Variants in ARPP21 observed in about 807,000 individuals in gnomAD.
ARPP21 encodes cAMP regulated phosphoprotein 21, also known as cAMP-regulated phosphoprotein 21.
Under a neutral mutation model 113.2 loss-of-function variants are expected in ARPP21, and 69 were observed. The observed-to-expected ratio is 0.61, with a 90% CI of 0.50 to 0.74. The LOEUF is 0.74. Ranked by LOEUF, ARPP21 falls within the 30% of genes least tolerant of loss-of-function variation. The pLI is 0.00. For synonymous variants in ARPP21, 368 were observed against 375.5 expected (o/e 0.98, Z 0.23); for missense variants, 1,070 against 1,037.4 (o/e 1.03, Z -0.43).
intron 19 of ARPP21, among the ~76,000 whole-genome samples, chr3:35,770,563 G>C (rs1333928614): frequency 6.6e-6 from 1 of 152,160 alleles, no homozygotes; most frequent in East Asian, 1.9e-4. Context: ...TTGAAGAATG[G>C]TCTGAAGACA....
At chr3:35,672,218 TC>T in intron 1 of ARPP21, among the ~76,000 whole-genome samples, 1 of 152,166 alleles carries the variant, frequency 6.6e-6, no homozygotes, top group South Asian at 2.1e-4. Flanking sequence ...GCAAGCACCA[TC>T]TCTTTCCTTT....
chr3:35,727,680 G>C (rs562242388), intron 14 of ARPP21, among the ~76,000 whole-genome samples: 33 of 152,206 alleles, frequency 2.2e-4, no homozygotes, highest in African/African-American at 7.9e-4. Context: ...AATCAACCTC[G>C]TGTACTACAT....
chr3:35,728,811 A>C (rs186832181), intron 14 of ARPP21, among the ~76,000 whole-genome samples: 8 of 152,284 alleles, frequency 5.3e-5, no homozygotes, highest in Admixed American at 4.6e-4. Flanking sequence ...TTCAGACTTC[A>C]GCTGTATAGG....
At chr3:35,698,666 A>G (rs1241785236) in intron 9 of ARPP21, among the ~76,000 whole-genome samples, 1 of 151,636 alleles carries the variant, frequency 6.6e-6, no homozygotes, top group Non-Finnish European at 1.5e-5. Flanking sequence ...AAAGTTAGAG[A>G]AAGAGGAATT....
chr3:35,686,646 G>T (rs1469327491), intron 5 of ARPP21, among the ~76,000 whole-genome samples: 1 of 151,600 alleles, frequency 6.6e-6, no homozygotes, highest in Non-Finnish European at 1.5e-5. Context: ...TTTTCAGTGA[G>T]AGACATTATT....
At chr3:35,642,938 A>G (rs982772107) in intron 1 of ARPP21, among the ~76,000 whole-genome samples, 4 of 152,146 alleles carry the variant, frequency 2.6e-5, no homozygotes, top group Non-Finnish European at 2.9e-5. Flanking sequence ...ACTGAAGTCT[A>G]AATATTTTAA....
rs757691724 is a variant in ARPP21 at position 35,751,863 on chromosome 3, T to C, written c.2137+7898T>C. ...CAAAGTCTGACTTGTCAGAGTCTAC[T>C]CTGCCTATGTAAACTCAAAACCATC... On this transcript the variant is annotated intron_variant, in intron 19 of 20. Transcript: ENST00000684406. Among the ~76,000 whole-genome samples the C allele has an allele frequency of 3.2e-4, 49 of 152,108 alleles. 1 individual carries two copies. The highest frequency in any genetic ancestry group is 3.3e-4 in the Admixed American group (5 of 15,252).
Position 35,690,944 on chromosome 3 carries a change from G to T in ARPP21, c.625G>T (p.Asp209Tyr). The T allele has an allele frequency of 6.2e-7, 1 of 1,610,636 alleles. No homozygotes were observed. The part of the protein sequence containing the change: ...VHRVAAYFGL[D>Y]HNVDQTGKSV... ...TCGAGTGGCAGCTTATTTTGGATTG[G>T]ATCACAATGTGGATCAAACAGGAAA... Residue 209 changes from aspartate (D) to tyrosine (Y), a missense_variant, in exon 9 of 21, where the codon GAT becomes TAT. Physicochemically the swap from Asp to Tyr is radical, Grantham distance 160. Transcript: ENST00000684406.
intron 19 of ARPP21, among the ~76,000 whole-genome samples, chr3:35,759,093 G>A (rs888893268): frequency 6.6e-6 from 1 of 152,024 alleles, no homozygotes; most frequent in Admixed American, 6.6e-5. Flanking sequence ...CACTTATTAA[G>A]TGTGCTTCTG....
intron 19 of ARPP21, among the ~76,000 whole-genome samples, chr3:35,768,624 T>C (rs1456262878): frequency 6.6e-6 from 1 of 152,186 alleles, no homozygotes; most frequent in African/African-American, 2.4e-5. Context: ...AGGAATCCCA[T>C]TCACAAATTT....
At chr3:35,750,115 CT>C (rs57509420) in intron 19 of ARPP21, among the ~76,000 whole-genome samples, 7,000 of 92,500 alleles carry the variant, frequency 0.076, 263 homozygotes, top group South Asian at 0.17. Context: ...GTTTATTTCG[CT>C]TTTTTTTTTT....
intron 14 of ARPP21, among the ~76,000 whole-genome samples, chr3:35,723,856 T>C (rs992963329): frequency 1.3e-5 from 2 of 152,176 alleles, no homozygotes; most frequent in South Asian, 2.1e-4. Flanking sequence ...AGTGCAGGCA[T>C]GGGAAGGGAA....
intron 1 of ARPP21, among the ~76,000 whole-genome samples, chr3:35,657,220 C>A (rs35108232): frequency 6.6e-6 from 1 of 152,074 alleles, no homozygotes; most frequent in East Asian, 1.9e-4. Flanking sequence ...GAACTTTCAT[C>A]CAGTTACCTC....
chr3:35,729,529 A>C lies in ARPP21; in HGVS notation c.1452A>C (p.Pro484=), dbSNP rs2093791924. The C allele has an allele frequency of 2.5e-6, 4 of 1,613,542 alleles. No individual in the cohort carries two copies. The highest frequency in any genetic ancestry group is 3.4e-6 in the Non-Finnish European group (4 of 1,179,478). The change falls in exon 15 of 21, where the codon CCA becomes CCC. Residue 484 remains proline, a synonymous_variant. Transcript: ENST00000684406. ...GIPPGSILLN[P]HTGQPFVNPD... ...CGCCTGGAAGCATCCTTCTTAATCC[A>C]CACACAGGTGAGTTACTACCTGCTT... is the stretch of plus-strand genomic sequence containing the variant.
At chr3:35,695,234 C>G (rs1365672076) in intron 9 of ARPP21, among the ~76,000 whole-genome samples, 1 of 151,362 alleles carries the variant, frequency 6.6e-6, no homozygotes, top group East Asian at 1.9e-4. Flanking sequence ...AGTCAACTGT[C>G]TAGAGATTTT....
intron 12 of ARPP21, among the ~76,000 whole-genome samples, chr3:35,717,032 C>A (rs2092502273): frequency 6.6e-6 from 1 of 151,922 alleles, no homozygotes; most frequent in African/African-American, 2.4e-5. Flanking sequence ...TCTATTATAC[C>A]TATATCAATC....
chr3:35,791,617 A>AC (rs2096749367), intron 19 of ARPP21, among the ~76,000 whole-genome samples: 1 of 152,220 alleles, frequency 6.6e-6, no homozygotes, highest in African/African-American at 2.4e-5. Flanking sequence ...ACCTAAAAAA[A>AC]TAAAAAAAGA....
chr3:35,715,199 G>A (rs936296951), intron 11 of ARPP21: 3 of 422,158 alleles, frequency 7.1e-6, no homozygotes, highest in East Asian at 3.9e-5. Flanking sequence ...CCTCCATGCC[G>A]AACAGACTAA....
At chr3:35,772,876 G>T (rs980159645) in intron 19 of ARPP21, among the ~76,000 whole-genome samples, 1 of 152,130 alleles carries the variant, frequency 6.6e-6, no homozygotes, top group African/African-American at 2.4e-5. Context: ...GTCTGGATCA[G>T]CTGCTCTTAC....
Sources: allele counts gnomAD v4.1 joint callset (sites outside exome capture counted in the v4.1 genomes callset), GRCh38; gene constraint gnomAD v4.1.1; transcripts MANE v1.5; gene names NCBI Gene and HGNC (gene_info 2026-07-23, HGNC 2026-07-21).